TRPA1: variants seen among roughly 807,000 people sequenced by gnomAD.
TRPA1 encodes the protein ankyrin-like with transmembrane domains 1.
In TRPA1, 129 loss-of-function variants were observed where a neutral mutation model predicts 131.3. The observed-to-expected ratio is 0.98, with a 90% CI of 0.85 to 1.14. TRPA1 has a LOEUF of 1.14. TRPA1 is among the 50% of genes most tolerant of loss of function. TRPA1 has a pLI of 0.00. For missense variants in TRPA1, 1,304 were observed against 1,354.2 expected, an observed-to-expected ratio of 0.96 and a Z score of 0.58; for synonymous variants, 441 against 451.7, an observed-to-expected ratio of 0.98 and a Z score of 0.30.
chr8:72,046,691 T>C (rs1223983642), intron 16 of TRPA1, 83 bp from the exon 17 acceptor site: 3 of 695,318 alleles, frequency 4.3e-6, no homozygotes, highest in African/African-American at 3.6e-5. Flanking sequence ...AAAAATCAAA[T>C]ACACAAATTT....
intron 24 of TRPA1, among the ~76,000 whole-genome samples, chr8:72,027,324 T>G (rs1386725575): frequency 6.6e-6 from 1 of 152,130 alleles, no homozygotes; most frequent in African/African-American, 2.4e-5. Flanking sequence ...AAGTCCAGTG[T>G]GGGTCAGGTG....
chr8:72,085,482 A>T, the TRPA1 span, among the ~76,000 whole-genome samples: 1 of 151,974 alleles, frequency 6.6e-6, no homozygotes, highest in Non-Finnish European at 1.5e-5. Flanking sequence ...TTATACCTTG[A>T]ATTATAATCT....
chr8:72,030,203 G>A (rs1261289473), intron 23 of TRPA1, among the ~76,000 whole-genome samples: 1 of 152,140 alleles, frequency 6.6e-6, no homozygotes, highest in Admixed American at 6.5e-5. Context: ...CCTTCTATGT[G>A]TTCCCATATG....
chr8:72,041,321 T>C (rs907617572), intron 17 of TRPA1: 6 of 151,930 alleles, frequency 3.9e-5, no homozygotes, highest in Non-Finnish European at 8.8e-5. Flanking sequence ...AGAAGTTCAA[T>C]AAGGAAACAG....
chr8:72,071,884 AC>A lies in TRPA1; in HGVS notation c.112-18del. On this transcript the variant is annotated intron_variant, in intron 1 of 26. Transcript: ENST00000262209. The stretch of plus-strand genomic sequence containing the variant: ...AAAAACCACCTAGAGGTATTTAAAC[AC>A]CATTATACCAAACAAGCATATGCAA... 2 of 1,610,002 alleles carry A rather than the reference AC, an allele frequency of 1.2e-6. No homozygotes were observed.
Position 72,023,079 on chromosome 8 carries a change from C to T in TRPA1, c.3187G>A (p.Glu1063Lys). ...DLTFLLEKQH[E>K]LIKLIIQKME... Reference sequence around the variant, plus strand: ...TTCTGAATGATCAGTTTAATGAGCTCATGCTGTTTTTCCAGGAGAAAAGTA... The same window carrying T: ...TTCTGAATGATCAGTTTAATGAGCTTATGCTGTTTTTCCAGGAGAAAAGTA... The change falls in exon 27 of 27, where the codon GAG becomes AAG. Residue 1063 changes from glutamate (E) to lysine (K), a missense_variant. By Grantham distance (56) the Glu-to-Lys change is moderately conservative (BLOSUM62 1). Transcript: ENST00000262209. 6.2e-7 allele frequency: 1 copy of T among 1,613,566 alleles called. No homozygotes were observed. The highest frequency in any genetic ancestry group is 8.5e-7 in the Non-Finnish European group (1 of 1,179,758).
At chr8:72,052,491 T>C (rs1406572100) in intron 14 of TRPA1, 108 bp downstream of exon 14, 1 of 1,434,728 alleles carries the variant, frequency 7.0e-7, no homozygotes, top group Non-Finnish European at 9.8e-7. Flanking sequence ...ATATTTTAAA[T>C]TTTGATTAAT....
chr8:72,074,127 A>C (rs949700507), intron 1 of TRPA1, among the ~76,000 whole-genome samples: 1 of 147,650 alleles, frequency 6.8e-6, no homozygotes, highest in Non-Finnish European at 1.5e-5. Flanking sequence ...TAAAGGTACC[A>C]AGGGACAGAC....
chr8:72,077,451 A>G (rs1402558145), upstream of TRPA1, among the ~76,000 whole-genome samples: 1 of 152,220 alleles, frequency 6.6e-6, no homozygotes, highest in African/African-American at 2.4e-5. Flanking sequence ...TCTCCAAAGC[A>G]TGTATTCTTT....
chr8:72,057,461 G>A (rs1805697529), intron 9 of TRPA1, among the ~76,000 whole-genome samples: 1 of 152,078 alleles, frequency 6.6e-6, no homozygotes, highest in African/African-American at 2.4e-5. Context: ...CAAATGCCTG[G>A]GATATAACAA....
chr8:72,069,983 C>T (rs1487705263), intron 2 of TRPA1, among the ~76,000 whole-genome samples: 1 of 152,180 alleles, frequency 6.6e-6, no homozygotes, highest in Admixed American at 6.5e-5. Flanking sequence ...TGAGCTTAAG[C>T]CCCTGATGCC....
At chr8:72,080,008 C>G (rs1340841769), upstream of TRPA1, among the ~76,000 whole-genome samples, 1 of 151,932 alleles carries the variant, frequency 6.6e-6, no homozygotes, top group Non-Finnish European at 1.5e-5. Flanking sequence ...ATCTTGTTTT[C>G]TACAGTATTA....
chr8:72,075,525 C>A lies in TRPA1; in HGVS notation c.-116G>T, dbSNP rs956287799. On this transcript the variant is annotated 5_prime_UTR_variant, in exon 1 of 27. Transcript: ENST00000262209. ...GGGTCCGCGCGAGCCCGAGCTCTCC[C>A]GCGCTGCAGCTCACAGGCAGCGAAA... The A allele has an allele frequency of 1.1e-4, 93 of 839,322 alleles. 2 individuals are homozygous for A. The Admixed American group carries it at 1.7e-3, about 16-fold the overall frequency. 52.0% of individuals were successfully genotyped at this position (839,322 alleles called of 1,614,324 possible).
In TRPA1 at chr8:72,023,100, A is replaced by G. The variant is rs1285056288; in HGVS notation, c.3166T>C (p.Phe1056Leu). The change falls in exon 27 of 27, where the codon TTT becomes CTT. Residue 1056 changes from phenylalanine (F) to leucine (L), a missense_variant. Transcript: ENST00000262209. ...AGCTCATGCTGTTTTTCCAGGAGAA[A>G]AGTAAGATCCTTCAGCCTAAAAGGA... Reference protein sequence around the residue: ...KQKYRLKDLTFLLEKQHELIK... With the variant: ...KQKYRLKDLTLLLEKQHELIK... The G allele has an allele frequency of 1.2e-6, 2 of 1,613,294 alleles. No individual in the cohort carries two copies. Among genetic ancestry groups the G allele is most frequent in the Non-Finnish European group, 1.7e-6 (2 of 1,179,736 alleles).
intron 24 of TRPA1, among the ~76,000 whole-genome samples, chr8:72,026,760 C>G (rs970125355): frequency 6.6e-6 from 1 of 151,950 alleles, no homozygotes; most frequent in Admixed American, 6.6e-5. Context: ...TTTTTACACC[C>G]CTTTGTATCT....
chr8:72,058,048 A>G (rs1411515408), intron 8 of TRPA1, among the ~76,000 whole-genome samples: 1 of 152,214 alleles, frequency 6.6e-6, no homozygotes, highest in Non-Finnish European at 1.5e-5. Flanking sequence ...CTCACATATT[A>G]GGCTTTTTAC....
At chr8:72,026,634 C>A (rs1171012769) in intron 24 of TRPA1, among the ~76,000 whole-genome samples, 1 of 152,146 alleles carries the variant, frequency 6.6e-6, no homozygotes, top group South Asian at 2.1e-4. Flanking sequence ...CTATCAGGTG[C>A]AAAATGGTTT....
intron 3 of TRPA1, among the ~76,000 whole-genome samples, chr8:72,066,109 G>A (rs1805926366): frequency 6.6e-6 from 1 of 152,052 alleles, no homozygotes; most frequent in African/African-American, 2.4e-5. Flanking sequence ...AGTTTTGTGT[G>A]GTGTAACCCA....
chr8:72,082,776 A>G, the TRPA1 span, among the ~76,000 whole-genome samples: 1 of 151,398 alleles, frequency 6.6e-6, no homozygotes, highest in Non-Finnish European at 1.5e-5. Flanking sequence ...GTATCCATGT[A>G]TTGACATCTT....
Sources: allele counts gnomAD v4.1 joint callset (sites outside exome capture counted in the v4.1 genomes callset), GRCh38; gene constraint gnomAD v4.1.1; transcripts MANE v1.5; gene names NCBI Gene and HGNC (gene_info 2026-07-23, HGNC 2026-07-21).